GABPB2: variants seen among roughly 807,000 people sequenced by gnomAD.
GABPB2 encodes the protein GA binding protein transcription factor subunit beta 2, also known as GA-binding protein subunit beta-2.
Under a neutral mutation model 39.1 loss-of-function variants are expected in GABPB2, and 23 were observed. The observed-to-expected ratio is 0.59, with a 90% CI of 0.42 to 0.83. The LOEUF is 0.83. Among genes scored for constraint, GABPB2 ranks in the 40% least tolerant of loss-of-function variants. GABPB2 has a pLI of 0.00. For missense variants in GABPB2, 467 were observed against 541.1 expected, an observed-to-expected ratio of 0.86 and a Z score of 1.36; for synonymous variants, 184 against 199.3, an observed-to-expected ratio of 0.92 and a Z score of 0.65.
rs587659044 is a variant in GABPB2, at chr1:151,098,419, G to A, written c.622+417G>A. On this transcript the variant is annotated intron_variant, in intron 5 of 8. Coordinates refer to ENST00000368918, the MANE Select transcript of GABPB2 (RefSeq NM_144618.3). ...CAGGAGGCTGACATGGGAGGATCTC[G>A]TGAGCTCAGGAGTTGGACTTACTGT... Among the ~76,000 whole-genome samples, 4 of 151,536 alleles carry A rather than the reference G, an allele frequency of 2.6e-5. No individual in the cohort carries two copies. In the East Asian group the frequency reaches 5.8e-4, roughly 22 times the overall value.
chr1:151,117,836 T>C, intron 8 of GABPB2, 121 bp from the exon 9 acceptor site: 1 of 967,282 alleles, frequency 1.0e-6, no homozygotes, highest in Non-Finnish European at 1.6e-6. Context: ...TGCCTACCTC[T>C]GCCTCCCAAA....
Position 151,124,310 on chromosome 1 carries a change from C to T in GABPB2, c.*6054C>T, listed in dbSNP as rs759084712. On this transcript the variant is annotated 3_prime_UTR_variant, in exon 9 of 9. Transcript: ENST00000368918. ...TGAAGTAGCTGGGATTACAGGCACG[C>T]GCTAATTTTTGTATTTTTAGTACAG... 7.3e-5 allele frequency: 11 copies of T among 151,220 alleles called. No individual in the cohort carries two copies. The highest frequency in any genetic ancestry group is 2.1e-4 in the South Asian group (1 of 4,804). The allele number at this position is 151,220 out of a possible 1,614,324, so 9.4% of individuals were successfully genotyped here.
At chr1:151,076,318 C>G (rs1195936359) in intron 1 of GABPB2, among the ~76,000 whole-genome samples, 8 of 152,158 alleles carry the variant, frequency 5.3e-5, no homozygotes, top group Admixed American at 5.2e-4. Flanking sequence ...TTACCCATTC[C>G]TTTTGTTTCT....
chr1:151,117,019 A>G (rs34570433), intron 7 of GABPB2, among the ~76,000 whole-genome samples: 1,647 of 152,264 alleles, frequency 0.011, 42 homozygotes, highest in African/African-American at 0.038. Context: ...AAGCCTGCAA[A>G]TCTATACCCT....
chr1:151,124,129 A>T lies in GABPB2; in HGVS notation c.*5873A>T. The T allele has an allele frequency of 6.9e-6, 1 of 145,034 alleles. No homozygotes were observed. The highest frequency in any genetic ancestry group is 2.5e-5 in the African/African-American group (1 of 40,042). 9.0% of individuals were successfully genotyped at this position (145,034 alleles called of 1,614,324 possible). A position where few individuals can be genotyped will look rare whatever the true frequency, so the allele number is the denominator to read the frequency against. On this transcript the variant is annotated 3_prime_UTR_variant, in exon 9 of 9. Transcript: ENST00000368918. The stretch of plus-strand genomic sequence containing the variant: ...AGAAAGAAAAAGGAAAAAAAGAAAT[A>T]TCAGTTTGAGAAATGATTTTTTTTT...
chr1:151,100,232 C>T (rs587729494), intron 5 of GABPB2, among the ~76,000 whole-genome samples: 68 of 151,864 alleles, frequency 4.5e-4, no homozygotes, highest in African/African-American at 1.6e-3. Flanking sequence ...GCAACCTCCG[C>T]CTCCTGGGTT....
intron 7 of GABPB2, among the ~76,000 whole-genome samples, chr1:151,115,654 A>AC (rs1680808809): frequency 6.6e-6 from 1 of 151,294 alleles, no homozygotes; most frequent in Non-Finnish European, 1.5e-5. Context: ...GCCTGCCTCG[A>AC]CCCCCCAAAG....
rs1424187075 is a variant in GABPB2 at position 151,083,174 on chromosome 1, G to C, written c.1-5016G>C. 2.0e-5 allele frequency among the ~76,000 whole-genome samples: 3 copies of C among 152,112 alleles called. No individual in the cohort carries two copies. The East Asian group carries it at 5.8e-4, about 29-fold the overall frequency. ...AAATTGTATAGGTCATCTAAATATTGATGCATTTTATTATACAATGTCAAA... is the reference window on the plus strand; with the variant it reads ...AAATTGTATAGGTCATCTAAATATTCATGCATTTTATTATACAATGTCAAA... On this transcript the variant is annotated intron_variant, in intron 1 of 8. Transcript: ENST00000368918.
intron 5 of GABPB2, among the ~76,000 whole-genome samples, chr1:151,101,575 A>G (rs1220295870): frequency 6.7e-6 from 1 of 148,732 alleles, no homozygotes; most frequent in Non-Finnish European, 1.5e-5. Flanking sequence ...ACTCCGTCTC[A>G]AAAAAAAAAG....
At position 151,085,126 on chromosome 1, in the gene GABPB2, G is replaced by T. The variant is rs193164980; in HGVS notation, c.1-3064G>T. 3.3e-5 allele frequency among the ~76,000 whole-genome samples: 5 copies of T among 151,330 alleles called. No individual in the cohort carries two copies. The East Asian group carries it at 9.9e-4, about 30-fold the overall frequency. On this transcript the variant is annotated intron_variant, in intron 1 of 8. Coordinates refer to ENST00000368918, the MANE Select transcript of GABPB2 (RefSeq NM_144618.3). ...ATAATAAAATAAAATGGCCAGGCGC[G>T]GTGGCTCACACCTGTAATCCCAGCA...
chr1:151,074,233 C>T (rs1472804157), intron 1 of GABPB2, among the ~76,000 whole-genome samples: 1 of 151,314 alleles, frequency 6.6e-6, no homozygotes, highest in African/African-American at 2.4e-5. Flanking sequence ...CCTCAGCCTC[C>T]CAAAGTGCTA....
chr1:151,089,933 C>CAT (rs1243937711), intron 2 of GABPB2, among the ~76,000 whole-genome samples: 1 of 139,356 alleles, frequency 7.2e-6, no homozygotes, highest in African/African-American at 2.5e-5. Flanking sequence ...TGTCCATTAG[C>CAT]ATGTTAATTT....
chr1:151,094,824 T>C (rs1678987416), intron 4 of GABPB2, among the ~76,000 whole-genome samples: 1 of 150,696 alleles, frequency 6.6e-6, no homozygotes, highest in Non-Finnish European at 1.5e-5. Context: ...CTGGCCAATA[T>C]GGTGAAATCC....
chr1:151,071,118 G>A (rs1676671293), intron 1 of GABPB2, among the ~76,000 whole-genome samples, 184 bp downstream of exon 1: 1 of 152,072 alleles, frequency 6.6e-6, no homozygotes, highest in Non-Finnish European at 1.5e-5. Context: ...ATGCTGTCGG[G>A]AGGAAGGGGA....
At position 151,122,597 on chromosome 1, in the gene GABPB2, T is replaced by C. The variant is rs1042042305; in HGVS notation, c.*4341T>C. ...AAGGAGGTTAACTCTGCAGATGATA[T>C]TCAGGCCCAACCAGCTCACTCTCTG... is the stretch of plus-strand genomic sequence containing the variant. On this transcript the variant is annotated 3_prime_UTR_variant, in exon 9 of 9. Coordinates refer to ENST00000368918, the MANE Select transcript of GABPB2 (RefSeq NM_144618.3). 2 of 152,156 alleles carry C rather than the reference T, an allele frequency of 1.3e-5. No individual in the cohort carries two copies. The highest frequency in any genetic ancestry group is 2.9e-5 in the Non-Finnish European group (2 of 68,028). 9.4% of individuals were successfully genotyped at this position (152,156 alleles called of 1,614,324 possible).
intron 1 of GABPB2, among the ~76,000 whole-genome samples, chr1:151,075,799 C>A (rs587667094): frequency 6.6e-6 from 1 of 152,148 alleles, no homozygotes; most frequent in South Asian, 2.1e-4. Context: ...AGGTCTCAGC[C>A]TTATTTCACC....
At chr1:151,075,892 C>T (rs1029366318) in intron 1 of GABPB2, among the ~76,000 whole-genome samples, 2 of 151,956 alleles carry the variant, frequency 1.3e-5, no homozygotes, top group African/African-American at 4.8e-5. Flanking sequence ...ACCCTTAATC[C>T]TAGGGGTTAC....
Position 151,093,310 on chromosome 1 carries a change from C to G in GABPB2, c.395C>G (p.Ala132Gly), listed in dbSNP as rs141372879. The G allele has an allele frequency of 1.9e-6, 3 of 1,611,938 alleles. No individual in the cohort carries two copies. Among genetic ancestry groups the G allele is most frequent in the Non-Finnish European group, 2.5e-6 (3 of 1,179,292 alleles). ...ATCAAATATGGAGCTGATGTCCATG[C>G]TTTCAGCAAATTTGATAAATCAGCC... ...LLIKYGADVH[A>G]FSKFDKSAFD... The change falls in exon 4 of 9, where the codon GCT (alanine) becomes GGT (glycine). Residue 132 changes from alanine to glycine, a missense_variant. By Grantham distance (60) the Ala-to-Gly change is moderately conservative. Transcript: ENST00000368918.
chr1:151,073,647 C>G (rs1463757468), intron 1 of GABPB2, among the ~76,000 whole-genome samples: 1 of 152,078 alleles, frequency 6.6e-6, no homozygotes, highest in Non-Finnish European at 1.5e-5. Flanking sequence ...GGAAGGCCGG[C>G]GCGGTGGCTC....
Sources: allele counts gnomAD v4.1 joint callset (sites outside exome capture counted in the v4.1 genomes callset), GRCh38; gene constraint gnomAD v4.1.1; transcripts MANE v1.5; gene names NCBI Gene and HGNC (gene_info 2026-07-23, HGNC 2026-07-21).